FNIP2: variants seen among roughly 807,000 people sequenced by gnomAD.
FNIP2 encodes the protein folliculin-interacting protein 2.
In FNIP2, 32 loss-of-function variants were observed where a neutral mutation model predicts 108.7. The observed-to-expected ratio is 0.29, with a 90% confidence interval of 0.22 to 0.40. FNIP2 has a LOEUF of 0.40. Ranked by LOEUF, FNIP2 falls within the 10% of genes least tolerant of loss-of-function variation. The pLI is 1.00. For synonymous variants in FNIP2, 480 were observed against 496.7 expected (o/e 0.97, Z 0.45); for missense variants, 1,202 against 1,381.6 (o/e 0.87, Z 2.06).
At chr4:158,786,186 A>G (rs1776218938) in intron 1 of FNIP2, among the ~76,000 whole-genome samples, 1 of 152,216 alleles carries the variant, frequency 6.6e-6, no homozygotes, top group Admixed American at 6.5e-5. Context: ...TAATTATGAA[A>G]ATGTTAAGTT....
intron 1 of FNIP2, among the ~76,000 whole-genome samples, chr4:158,790,271 G>A (rs1776368923): frequency 6.6e-6 from 1 of 150,852 alleles, no homozygotes; most frequent in Non-Finnish European, 1.5e-5. Context: ...TCAGATTTTG[G>A]AATATTTGTA....
chr4:158,871,759 T>C (rs1780961990), intron 14 of FNIP2: 2 of 984,408 alleles, frequency 2.0e-6, no homozygotes, highest in African/African-American at 1.7e-5. Flanking sequence ...AATTATTTAA[T>C]ATCATAATTT....
intron 14 of FNIP2, among the ~76,000 whole-genome samples, chr4:158,886,967 A>G (rs936329016): frequency 6.6e-6 from 1 of 152,240 alleles, no homozygotes; most frequent in Non-Finnish European, 1.5e-5. Flanking sequence ...GAGAAATTTT[A>G]CCAAGTAATC....
At chr4:158,887,837 TA>T (rs1782101108) in intron 14 of FNIP2, among the ~76,000 whole-genome samples, 1 of 152,138 alleles carries the variant, frequency 6.6e-6, no homozygotes, top group Admixed American at 6.5e-5. Flanking sequence ...CATAGTTTTC[TA>T]GATCTTAGAG....
intron 13 of FNIP2, among the ~76,000 whole-genome samples, 171 bp downstream of exon 13, chr4:158,869,599 CCTT>C (rs1388812730): frequency 3.9e-5 from 6 of 152,318 alleles, no homozygotes; most frequent in African/African-American, 1.2e-4. Flanking sequence ...TCCCACCTGT[CCTT>C]CTTCCAAGGA....
intron 1 of FNIP2, among the ~76,000 whole-genome samples, chr4:158,817,740 G>T (rs1280230267): frequency 6.6e-6 from 1 of 152,170 alleles, no homozygotes; most frequent in African/African-American, 2.4e-5. Flanking sequence ...TAGAGATGGG[G>T]TTTCACCATG....
intron 1 of FNIP2, among the ~76,000 whole-genome samples, chr4:158,780,402 G>A (rs1275775900): frequency 6.6e-6 from 1 of 152,012 alleles, no homozygotes; most frequent in Non-Finnish European, 1.5e-5. Context: ...AATTTTAAGG[G>A]AGCCCATTCT....
intron 1 of FNIP2, among the ~76,000 whole-genome samples, chr4:158,783,589 G>A (rs559658047): frequency 4.6e-5 from 7 of 152,286 alleles, no homozygotes; most frequent in Non-Finnish European, 7.4e-5. Flanking sequence ...GAAGCACTGA[G>A]GCAAGCAGGC....
intron 1 of FNIP2, among the ~76,000 whole-genome samples, chr4:158,792,019 G>A (rs1281883162): frequency 1.3e-5 from 2 of 152,076 alleles, no homozygotes; most frequent in African/African-American, 4.8e-5. Flanking sequence ...CAGGAGGATT[G>A]CTTGAGCCTA....
intron 1 of FNIP2, among the ~76,000 whole-genome samples, chr4:158,779,337 T>C (rs1053978221): frequency 2.4e-4 from 37 of 152,342 alleles, no homozygotes; most frequent in African/African-American, 8.4e-4. Context: ...TAAATTGTTA[T>C]GTCAGCTTTG....
chr4:158,896,701 C>T (rs750130480), intron 16 of FNIP2, among the ~76,000 whole-genome samples: 10 of 151,874 alleles, frequency 6.6e-5, no homozygotes, highest in Non-Finnish European at 1.2e-4. Context: ...ATTATTCTTA[C>T]ATACTTTATT....
rs78659532 is a variant in FNIP2, at chr4:158,796,460, T to G, written c.107+27141T>G. Among the ~76,000 whole-genome samples, 858 of 152,284 alleles carry G rather than the reference T, an allele frequency of 5.6e-3. 32 individuals are homozygous for G. In the East Asian group the frequency reaches 0.11, roughly 20 times the overall value. ...GTCTATCTCAGAGTGTTTAATTGCC[T>G]GGAGCTTCCAGAGAATTGGCTATGT... On this transcript the variant is annotated intron_variant, in intron 1 of 16. Transcript: ENST00000264433.
chr4:158,869,447 G>GA lies in FNIP2; in HGVS notation c.2792+21dup. On this transcript the variant is annotated intron_variant, in intron 13 of 16. Transcript: ENST00000264433. ...TGCCAAGGTAACTCCAGCAGGCTGG[G>GA]AAGTAGAGGGAACTGGGTTCAAATC... 2.6e-6 allele frequency: 4 copies of GA among 1,560,726 alleles called. No individual in the cohort carries two copies. The South Asian group carries it at 4.7e-5, about 19-fold the overall frequency.
At chr4:158,870,169 G>C in intron 13 of FNIP2, 144 bp from the exon 14 acceptor site, 1 of 784,830 alleles carries the variant, frequency 1.3e-6, no homozygotes, top group Non-Finnish European at 2.0e-6. Context: ...TCCCACCTGT[G>C]ATCCACTTAC....
intron 2 of FNIP2, 133 bp from the exon 3 acceptor site, chr4:158,828,946 A>T: frequency 3.6e-6 from 2 of 550,062 alleles, no homozygotes; most frequent in Non-Finnish European, 5.7e-6. Context: ...ATTATTGGGG[A>T]AAAAAAAAAG....
At chr4:158,881,350 C>T (rs571471982) in intron 14 of FNIP2, among the ~76,000 whole-genome samples, 3 of 145,678 alleles carry the variant, frequency 2.1e-5, no homozygotes, top group South Asian at 2.3e-4. Flanking sequence ...TCTCTTTCCA[C>T]GGTCTCCCTC....
chr4:158,870,715 T>C (rs900698433), intron 14 of FNIP2, among the ~76,000 whole-genome samples: 1 of 152,206 alleles, frequency 6.6e-6, no homozygotes, highest in African/African-American at 2.4e-5. Flanking sequence ...CTGGAGAACC[T>C]AAGCCAGGAC....
intron 1 of FNIP2, among the ~76,000 whole-genome samples, chr4:158,812,216 C>T (rs1430678216): frequency 1.3e-5 from 2 of 152,172 alleles, no homozygotes; most frequent in Admixed American, 6.5e-5. Context: ...TCTCTCTAGG[C>T]AGTAACTAAT....
rs760485864 is a variant in FNIP2 at position 158,859,072 on chromosome 4, A to G, written c.873A>G (p.Thr291=). Residue 291 remains threonine, a synonymous_variant, in exon 9 of 17, where the codon ACA becomes ACG. Transcript: ENST00000264433. ...GIIPRRSTDE[T]FSLAEETCSS... Reference sequence around the variant, plus strand: ...TTCCCTCCAGGTCAACTGATGAGACATTCAGCTTGGCTGAAGAAACCTGTA... The same window carrying G: ...TTCCCTCCAGGTCAACTGATGAGACGTTCAGCTTGGCTGAAGAAACCTGTA... The G allele has an allele frequency of 3.7e-6, 6 of 1,613,826 alleles. No individual in the cohort carries two copies. The East Asian group carries it at 1.1e-4, about 30-fold the overall frequency.
Sources: allele counts gnomAD v4.1 joint callset (sites outside exome capture counted in the v4.1 genomes callset), GRCh38; gene constraint gnomAD v4.1.1; transcripts MANE v1.5; gene names NCBI Gene and HGNC (gene_info 2026-07-23, HGNC 2026-07-21).